Variants in MTCL3 observed in about 807,000 individuals in gnomAD.
MTCL3 encodes the protein MTCL family member 3, also known as microtubule cross-linking factor 3.
the MTCL3 span, chr6:127,514,700 C>G: frequency 1.4e-6 from 1 of 740,652 alleles, no homozygotes; most frequent in South Asian, 1.8e-5. Context: ...GTTAGCGCTA[C>G]GAAACTGTGT....
the MTCL3 span, among the ~76,000 whole-genome samples, chr6:127,473,963 G>C: frequency 1.3e-5 from 2 of 152,084 alleles, no homozygotes; most frequent in African/African-American, 4.8e-5. Context: ...CAATTCATCC[G>C]GTGTGCCTCT....
the MTCL3 span, among the ~76,000 whole-genome samples, chr6:127,480,365 T>G: frequency 6.6e-6 from 1 of 152,246 alleles, no homozygotes; most frequent in African/African-American, 2.4e-5. Flanking sequence ...GCCCTAGAGC[T>G]ACAGTTCTTA....
chr6:127,475,478 C>G, the MTCL3 span: 1 of 1,613,542 alleles, frequency 6.2e-7, no homozygotes, highest in Non-Finnish European at 8.5e-7. This position sits in a 1 kb window ranked among gnomAD's most constrained non-coding sequence, Gnocchi z 7.3. Context: ...AACAGGTCCC[C>G]GTTGGCCACG....
chr6:127,500,470 G>C, the MTCL3 span, among the ~76,000 whole-genome samples: 2 of 152,178 alleles, frequency 1.3e-5, no homozygotes, highest in African/African-American at 4.8e-5. Flanking sequence ...CAGAATTGTA[G>C]AAGCTGTGGT....
At chr6:127,484,276 G>A in the MTCL3 span, among the ~76,000 whole-genome samples, 105 of 152,302 alleles carry the variant, frequency 6.9e-4, no homozygotes, top group African/African-American at 2.5e-3. Flanking sequence ...ATACTTTGGT[G>A]CAACTGCTTT....
the MTCL3 span, among the ~76,000 whole-genome samples, chr6:127,480,138 A>C: frequency 0.063 from 9,580 of 152,294 alleles, 1,050 homozygotes; most frequent in African/African-American, 0.22. Flanking sequence ...AAGGCCAGTA[A>C]GAAATGAGCT....
the MTCL3 span, among the ~76,000 whole-genome samples, chr6:127,487,262 A>G: frequency 1.3e-5 from 2 of 152,214 alleles, no homozygotes; most frequent in Non-Finnish European, 2.9e-5. Context: ...TAGCAGGCTT[A>G]TATTATTTCT....
the MTCL3 span, among the ~76,000 whole-genome samples, chr6:127,513,537 C>G: frequency 6.6e-6 from 1 of 152,178 alleles, no homozygotes; most frequent in Admixed American, 6.5e-5. Flanking sequence ...GTGGGTTGGG[C>G]TTGAATTTCA....
At chr6:127,499,952 C>A in the MTCL3 span, among the ~76,000 whole-genome samples, 2 of 152,176 alleles carry the variant, frequency 1.3e-5, no homozygotes, top group African/African-American at 4.8e-5. Flanking sequence ...CCCTACTCAA[C>A]TGTTAGTTTT....
chr6:127,513,488 T>C, the MTCL3 span, among the ~76,000 whole-genome samples: 1 of 152,246 alleles, frequency 6.6e-6, no homozygotes, highest in East Asian at 1.9e-4. Context: ...TCCATTATAA[T>C]CTATGTTAAA....
At chr6:127,513,511 G>T in the MTCL3 span, among the ~76,000 whole-genome samples, 1 of 152,190 alleles carries the variant, frequency 6.6e-6, no homozygotes, top group Admixed American at 6.5e-5. Context: ...ATGAAAAATT[G>T]AAGTTTTTAC....
the MTCL3 span, among the ~76,000 whole-genome samples, chr6:127,477,355 G>A: frequency 6.6e-6 from 1 of 152,170 alleles, no homozygotes; most frequent in Admixed American, 6.5e-5. Context: ...AGGAGGAATG[G>A]AAATCTTTCT....
the MTCL3 span, chr6:127,514,705 C>T: frequency 1.3e-6 from 1 of 755,876 alleles, no homozygotes; most frequent in Non-Finnish European, 2.1e-6. Context: ...CGCTACGAAA[C>T]TGTGTCCCTA....
At chr6:127,491,002 C>A in the MTCL3 span, among the ~76,000 whole-genome samples, 1 of 152,114 alleles carries the variant, frequency 6.6e-6, no homozygotes, top group Non-Finnish European at 1.5e-5. Flanking sequence ...AGAAGTATAG[C>A]CTGATTGTGA....
the MTCL3 span, among the ~76,000 whole-genome samples, chr6:127,511,839 A>G: frequency 2.0e-5 from 3 of 152,212 alleles, no homozygotes; most frequent in Non-Finnish European, 2.9e-5. Flanking sequence ...TCTTAATCAG[A>G]CTGTTGATAA....
At chr6:127,475,160 G>T in the MTCL3 span, 2 of 891,592 alleles carry the variant, frequency 2.2e-6, no homozygotes, top group Non-Finnish European at 3.2e-6. The surrounding 1 kb of genome is among the most constrained non-coding windows in gnomAD (Gnocchi z 7.3). Context: ...GGGGTTTCAG[G>T]CCCCAGCGCG....
the MTCL3 span, chr6:127,481,515 A>G: frequency 1.0e-6 from 1 of 960,278 alleles, no homozygotes; most frequent in Non-Finnish European, 1.2e-6. Context: ...AGGTACAGAG[A>G]GGAAAAAGGA....
the MTCL3 span, chr6:127,516,441 C>T: frequency 5.6e-5 from 89 of 1,599,876 alleles, no homozygotes; most frequent in Non-Finnish European, 7.5e-5. Context: ...CCACTGGGGA[C>T]CGGGTGGCCG....
the MTCL3 span, chr6:127,516,077 A>G: frequency 1.4e-6 from 2 of 1,434,722 alleles, no homozygotes; most frequent in Non-Finnish European, 1.8e-6. Context: ...CTTTCCCCGG[A>G]GCCGCCGCCG....
Sources: gnomAD v4.1 joint callset for allele counts (sites outside exome capture counted in the v4.1 genomes callset) on GRCh38, gnomAD v4.1.1 for gene constraint, Gnocchi (gnomAD v3.1) non-coding constraint, MANE v1.5 for transcripts, NCBI Gene and HGNC (gene_info 2026-07-23, HGNC 2026-07-21) for gene names.